The following MAGI2 variants were observed in gnomAD, a reference collection of about 807,000 sequenced individuals.
MAGI2 encodes membrane-associated guanylate kinase, WW and PDZ domain-containing protein 2.
In MAGI2, 35 loss-of-function variants were observed where a neutral mutation model predicts 133.3. The observed-to-expected ratio is 0.26, with a 90% confidence interval of 0.20 to 0.35. The LOEUF is 0.35. Among genes scored for constraint, MAGI2 ranks in the 10% least tolerant of loss-of-function variants. The probability of loss-of-function intolerance (pLI) is 1.00; values close to 1 mark genes in which losing one functional copy is unlikely to be tolerated. For missense variants in MAGI2, 1,636 were observed against 1,863.4 expected, an observed-to-expected ratio of 0.88 and a Z score of 2.25; for synonymous variants, 729 against 710.6, an observed-to-expected ratio of 1.03 and a Z score of -0.41.
intron 1 of MAGI2, among the ~76,000 whole-genome samples, chr7:79,306,924 C>T (rs1307828209): frequency 6.6e-6 from 1 of 152,154 alleles, no homozygotes; most frequent in East Asian, 1.9e-4. Context: ...AGCAGTTCCC[C>T]TGCCTCAGCC....
chr7:78,938,986 A>G lies in MAGI2; in HGVS notation c.418+68104T>C, dbSNP rs534404000. Among the ~76,000 whole-genome samples, 5 of 152,184 alleles carry G rather than the reference A, an allele frequency of 3.3e-5. No homozygotes were observed. In the South Asian group the frequency reaches 1.0e-3, roughly 32 times the overall value. On this transcript the variant is annotated intron_variant, in intron 2 of 21. Coordinates refer to ENST00000354212, the MANE Select transcript of MAGI2 (RefSeq NM_012301.4). ...GCAAAACATTCATTAAGATCCCCACATATAATCGTTATTTTATTTTATTTT... is the reference window on the plus strand; with the variant it reads ...GCAAAACATTCATTAAGATCCCCACGTATAATCGTTATTTTATTTTATTTT...
chr7:79,249,752 T>C (rs1378479965), intron 1 of MAGI2, among the ~76,000 whole-genome samples: 1 of 152,136 alleles, frequency 6.6e-6, no homozygotes, highest in African/African-American at 2.4e-5. Flanking sequence ...CTATTCAAAC[T>C]ATCCTGAAAC....
At chr7:78,453,034 G>GT (rs1423154122) in intron 6 of MAGI2, among the ~76,000 whole-genome samples, 1 of 151,910 alleles carries the variant, frequency 6.6e-6, no homozygotes, top group African/African-American at 2.4e-5. Flanking sequence ...CATGTTCACT[G>GT]TAAGTTGAAT....
At chr7:79,217,957 G>C (rs1434837525) in intron 1 of MAGI2, among the ~76,000 whole-genome samples, 1 of 151,850 alleles carries the variant, frequency 6.6e-6, no homozygotes. Context: ...AAGCTTTACT[G>C]TGAACAACAT....
intron 1 of MAGI2, among the ~76,000 whole-genome samples, chr7:79,260,461 T>C (rs1050291944): frequency 1.3e-5 from 2 of 152,186 alleles, no homozygotes; most frequent in African/African-American, 2.4e-5. Flanking sequence ...ATAAGTAGGT[T>C]AGAGCTATAA....
chr7:79,146,903 C>T (rs538654077), intron 1 of MAGI2, among the ~76,000 whole-genome samples: 8 of 152,294 alleles, frequency 5.3e-5, no homozygotes, highest in East Asian at 1.9e-4. Context: ...TAAGATATTT[C>T]GTCTTTCTGT....
intron 1 of MAGI2, chr7:79,010,921 C>T (rs571265658): frequency 4.6e-5 from 7 of 152,252 alleles, no homozygotes; most frequent in African/African-American, 1.7e-4. Flanking sequence ...TTTTCATCCT[C>T]TATAGTCTGA....
At chr7:78,332,451 C>G (rs1169748118) in intron 9 of MAGI2, among the ~76,000 whole-genome samples, 1 of 152,196 alleles carries the variant, frequency 6.6e-6, no homozygotes, top group Non-Finnish European at 1.5e-5. Flanking sequence ...GTAATCCCAG[C>G]ATTTCGGGAG....
intron 1 of MAGI2, among the ~76,000 whole-genome samples, chr7:79,042,958 T>G (rs1194708885): frequency 6.6e-6 from 1 of 151,986 alleles, no homozygotes; most frequent in African/African-American, 2.4e-5. Flanking sequence ...TCATGGAAAT[T>G]AAACAACCTG....
intron 2 of MAGI2, among the ~76,000 whole-genome samples, chr7:79,004,939 G>A (rs1009052311): frequency 1.4e-4 from 22 of 151,908 alleles, no homozygotes; most frequent in East Asian, 3.9e-4. Flanking sequence ...AAAATTAGCC[G>A]GGCATGGTGG....
intron 9 of MAGI2, among the ~76,000 whole-genome samples, chr7:78,333,171 T>A (rs1465712375): frequency 6.6e-6 from 1 of 152,182 alleles, no homozygotes; most frequent in Non-Finnish European, 1.5e-5. Flanking sequence ...AGAGACCTGG[T>A]GGTTTTACTG....
intron 2 of MAGI2, among the ~76,000 whole-genome samples, chr7:78,821,442 G>T (rs1198339949): frequency 6.6e-6 from 1 of 151,986 alleles, no homozygotes; most frequent in African/African-American, 2.4e-5. Flanking sequence ...AGTAAGGAAT[G>T]GAGAATGAGG....
At chr7:78,254,816 C>T (rs1020906961) in intron 10 of MAGI2, 3 of 152,150 alleles carry the variant, frequency 2.0e-5, no homozygotes, top group African/African-American at 7.2e-5. Flanking sequence ...ACACGTGTGT[C>T]CTTCATGCAT....
At chr7:79,150,962 C>T (rs186135116) in intron 1 of MAGI2, among the ~76,000 whole-genome samples, 112 of 152,092 alleles carry the variant, frequency 7.4e-4, no homozygotes, top group African/African-American at 2.6e-3. Context: ...TTATCTTATT[C>T]ACTTAAACTG....
intron 10 of MAGI2, among the ~76,000 whole-genome samples, chr7:78,228,250 C>T (rs1789606847): frequency 6.6e-6 from 1 of 152,232 alleles, no homozygotes; most frequent in Non-Finnish European, 1.5e-5. Flanking sequence ...CCATGGTTTG[C>T]TGATCTCTGA....
chr7:79,258,063 A>G (rs1833822487), intron 1 of MAGI2, among the ~76,000 whole-genome samples: 1 of 152,170 alleles, frequency 6.6e-6, no homozygotes. Context: ...TTGAACATCA[A>G]ACATGTTCCA....
Position 79,341,844 on chromosome 7 carries a change from C to T in MAGI2, c.301+111176G>A, listed in dbSNP as rs527497246. The stretch of plus-strand genomic sequence containing the variant: ...CTTCCAATGTCTGTCTTAACTTCTT[C>T]CCCAGTATTTTGGTAAGCTTCTGGG... On this transcript the variant is annotated intron_variant, in intron 1 of 21. Coordinates refer to ENST00000354212, the MANE Select transcript of MAGI2 (RefSeq NM_012301.4). 1.6e-4 allele frequency among the ~76,000 whole-genome samples: 25 copies of T among 152,266 alleles called. No homozygotes were observed. In the South Asian group the frequency reaches 5.2e-3, roughly 32 times the overall value.
At chr7:78,822,757 A>G (rs898177773) in intron 2 of MAGI2, among the ~76,000 whole-genome samples, 1 of 152,168 alleles carries the variant, frequency 6.6e-6, no homozygotes, top group African/African-American at 2.4e-5. Context: ...ACAAGAACAA[A>G]AGCTATTAAA....
chr7:79,346,639 G>T (rs1333818912), intron 1 of MAGI2, among the ~76,000 whole-genome samples: 6 of 152,008 alleles, frequency 3.9e-5, no homozygotes, highest in African/African-American at 1.4e-4. Flanking sequence ...AACAAAGTCT[G>T]TGCTTCTGGT....
Sources: allele counts gnomAD v4.1 joint callset (sites outside exome capture counted in the v4.1 genomes callset), GRCh38; gene constraint gnomAD v4.1.1; transcripts MANE v1.5; gene names NCBI Gene and HGNC (gene_info 2026-07-23, HGNC 2026-07-21).